The following PAX3 variants were observed in gnomAD, a reference collection of about 807,000 sequenced individuals.
PAX3 encodes paired box protein Pax-3.
A neutral mutation model predicts 51.6 loss-of-function variants in PAX3; 14 were observed. The ratio of observed to expected loss-of-function variants is 0.27; its 90% confidence interval spans 0.18 to 0.42. The LOEUF (loss-of-function observed/expected upper bound fraction) is 0.42. Ranked by LOEUF, PAX3 falls within the 10% of genes least tolerant of loss-of-function variation. PAX3 has a pLI of 1.00. For missense variants in PAX3, 540 were observed against 642.8 expected (o/e 0.84, Z 1.73); for synonymous variants, 280 against 253.4 (o/e 1.11, Z -1.00).
chr2:222,249,401 T>A (rs1418759384), intron 4 of PAX3, among the ~76,000 whole-genome samples: 1 of 152,176 alleles, frequency 6.6e-6, no homozygotes, highest in Non-Finnish European at 1.5e-5. Context: ...CCTTTTCCCA[T>A]TTTCATCTTC....
chr2:222,252,818 A>G (rs1693488470), intron 4 of PAX3, among the ~76,000 whole-genome samples: 1 of 152,184 alleles, frequency 6.6e-6, no homozygotes, highest in Non-Finnish European at 1.5e-5. Flanking sequence ...GCTATTGCTC[A>G]GTTCATAAAA....
chr2:222,205,035 G>T (rs1360311317), intron 7 of PAX3, among the ~76,000 whole-genome samples: 1 of 152,080 alleles, frequency 6.6e-6, no homozygotes, highest in East Asian at 1.9e-4. Context: ...TAGGGGATGG[G>T]GGAACTCAAG....
chr2:222,244,993 C>A (rs1364868532), intron 4 of PAX3, among the ~76,000 whole-genome samples: 4 of 151,836 alleles, frequency 2.6e-5, no homozygotes, highest in African/African-American at 9.7e-5. Flanking sequence ...AATGAAGATA[C>A]AAAAATTAGC....
chr2:222,202,174 G>A lies in PAX3; in HGVS notation c.1190C>T (p.Thr397Ile). The A allele has an allele frequency of 6.3e-7, 1 of 1,599,124 alleles. No homozygotes were observed. Among genetic ancestry groups the A allele is most frequent in the Non-Finnish European group, 8.5e-7 (1 of 1,172,014 alleles). The part of the protein sequence containing the change: ...GLSPQVMGLL[T>I]NHGGVPHQPQ... The stretch of plus-strand genomic sequence containing the variant: ...CTGATGAGGTACCCCACCGTGGTTG[G>A]TCAGGAGTCCCATTACCTAAAAAAA... Residue 397 changes from threonine (T) to isoleucine (I), a missense_variant, in exon 8 of 9, where the codon ACC becomes ATC. Coordinates refer to ENST00000392070, the MANE Select transcript of PAX3 (RefSeq NM_181458.4).
intron 4 of PAX3, among the ~76,000 whole-genome samples, chr2:222,278,291 C>A (rs1052641269): frequency 2.0e-5 from 3 of 152,074 alleles, no homozygotes; most frequent in Non-Finnish European, 2.9e-5. Context: ...AAGCCTCCCC[C>A]ACCCCCAGCC....
intron 4 of PAX3, among the ~76,000 whole-genome samples, chr2:222,240,250 T>C (rs1197268104): frequency 4.6e-5 from 7 of 152,104 alleles, no homozygotes; most frequent in East Asian, 1.9e-4. Context: ...ACATGGACTA[T>C]TGGGTGTTTG....
intron 4 of PAX3, among the ~76,000 whole-genome samples, chr2:222,252,155 A>G (rs762687432): frequency 2.0e-5 from 3 of 152,220 alleles, no homozygotes; most frequent in Non-Finnish European, 4.4e-5. Flanking sequence ...GAATACAGCC[A>G]TGCTCATCCA....
intron 7 of PAX3, among the ~76,000 whole-genome samples, chr2:222,208,862 T>C (rs563435483): frequency 6.6e-6 from 1 of 152,324 alleles, no homozygotes; most frequent in African/African-American, 2.4e-5. Flanking sequence ...ACTTCAGTGA[T>C]ATGGCATTCA....
At chr2:222,236,733 G>T (rs1210725679) in intron 4 of PAX3, among the ~76,000 whole-genome samples, 1 of 152,108 alleles carries the variant, frequency 6.6e-6, no homozygotes, top group East Asian at 1.9e-4. Context: ...TAAACTCTTT[G>T]GACTATTACT....
chr2:222,265,683 G>GAAGT (rs1694028516), intron 4 of PAX3, among the ~76,000 whole-genome samples: 1 of 150,486 alleles, frequency 6.6e-6, no homozygotes, highest in South Asian at 2.1e-4. Context: ...AGGAAGGAAG[G>GAAGT]AAGGAAGGGA....
At chr2:222,226,033 T>C (rs1199044498) in intron 5 of PAX3, among the ~76,000 whole-genome samples, 2 of 152,244 alleles carry the variant, frequency 1.3e-5, no homozygotes, top group African/African-American at 4.8e-5. Flanking sequence ...AGCCTAATTT[T>C]GCCCATCAAT....
At chr2:222,259,789 T>G (rs1340939577) in intron 4 of PAX3, among the ~76,000 whole-genome samples, 2 of 152,242 alleles carry the variant, frequency 1.3e-5, no homozygotes. Context: ...AAATGCCATT[T>G]CAGATTGTTG....
At chr2:222,286,251 T>A (rs1197253658) in intron 4 of PAX3, among the ~76,000 whole-genome samples, 1 of 152,256 alleles carries the variant, frequency 6.6e-6, no homozygotes, top group Non-Finnish European at 1.5e-5. Flanking sequence ...TGATCAGCTA[T>A]TTTTAAACAG....
At chr2:222,256,349 C>G (rs1034215115) in intron 4 of PAX3, among the ~76,000 whole-genome samples, 6 of 152,104 alleles carry the variant, frequency 3.9e-5, no homozygotes, top group African/African-American at 1.4e-4. Flanking sequence ...CTGGACGACG[C>G]CTTGATAGGA....
Position 222,232,291 on chromosome 2 carries a change from C to T in PAX3, c.587-8G>A, listed in dbSNP as rs1355111628. On this transcript the variant is annotated splice_region_variant and splice_polypyrimidine_tract_variant and intron_variant, in intron 4 of 8. Transcript: ENST00000392070. ...CTGATTGGGGTGCTGAGGCTAAAAGCACAGAAGAACAAAACATCATAAAAT... is the reference window on the plus strand; with the variant it reads ...CTGATTGGGGTGCTGAGGCTAAAAGTACAGAAGAACAAAACATCATAAAAT... 2.5e-6 allele frequency: 4 copies of T among 1,610,708 alleles called. No homozygotes were observed. Among genetic ancestry groups the T allele is most frequent in the Non-Finnish European group, 3.4e-6 (4 of 1,177,152 alleles).
At chr2:222,222,642 G>A (rs1327746917) in intron 5 of PAX3, among the ~76,000 whole-genome samples, 3 of 152,084 alleles carry the variant, frequency 2.0e-5, no homozygotes, top group East Asian at 1.9e-4. Flanking sequence ...TGATCCACCC[G>A]CCTCGACCTC....
intron 7 of PAX3, chr2:222,214,492 G>A (rs536176762): frequency 3.9e-5 from 6 of 152,056 alleles, no homozygotes; most frequent in Admixed American, 6.6e-5. Context: ...ACAAAAAGTC[G>A]ATCCTGGCAT....
intron 8 of PAX3, 111 bp downstream of exon 8, chr2:222,201,833 T>A (rs995327866): frequency 3.8e-5 from 53 of 1,380,156 alleles, no homozygotes; most frequent in African/African-American, 1.9e-4. Flanking sequence ...AAAAAAAAAA[T>A]TGATACCGGC....
intron 7 of PAX3, among the ~76,000 whole-genome samples, chr2:222,202,918 C>T (rs1691355573): frequency 1.3e-5 from 2 of 149,492 alleles, no homozygotes; most frequent in African/African-American, 2.5e-5. Context: ...GAATGCTTGA[C>T]ACATATTAAG....
Sources: gnomAD v4.1 joint callset for allele counts (sites outside exome capture counted in the v4.1 genomes callset) on GRCh38, gnomAD v4.1.1 for gene constraint, MANE v1.5 for transcripts, NCBI Gene and HGNC (gene_info 2026-07-23, HGNC 2026-07-21) for gene names.